Variants in IQCE observed in about 807,000 individuals in gnomAD.
IQCE encodes the protein IQ motif containing E.
IQCE carries 115 observed loss-of-function variants against 96.0 expected under a neutral mutation model. That is an observed-to-expected ratio of 1.20 (90% confidence interval 1.03 to 1.40). The LOEUF is 1.40. Ranked by LOEUF, IQCE falls within the 40% of genes most tolerant of loss-of-function variation. The pLI is 0.00. For missense variants in IQCE, 1,041 were observed against 909.1 expected, an observed-to-expected ratio of 1.15 and a Z score of -1.87; for synonymous variants, 412 against 371.2, an observed-to-expected ratio of 1.11 and a Z score of -1.26.
chr7:2,592,556 G>A (rs1008690401), intron 14 of IQCE, among the ~76,000 whole-genome samples: 19 of 152,310 alleles, frequency 1.2e-4, no homozygotes, highest in African/African-American at 4.1e-4. Flanking sequence ...AGTCTCCGTC[G>A]AAGGCCAGTG....
chr7:2,581,501 C>T lies in IQCE; in HGVS notation c.631-1079C>T, dbSNP rs1390485121. 3.3e-5 allele frequency among the ~76,000 whole-genome samples: 5 copies of T among 152,116 alleles called. No homozygotes were observed. The East Asian group carries it at 7.7e-4, about 24-fold the overall frequency. The stretch of plus-strand genomic sequence containing the variant: ...GATTATAGGCGTGAGCCACTGCACC[C>T]GGCCAACTAACATAATTTAAAATGA... On this transcript the variant is annotated intron_variant, in intron 8 of 21. Transcript: ENST00000402050.
At chr7:2,567,332 A>G (rs1781455061) in intron 2 of IQCE, among the ~76,000 whole-genome samples, 169 bp downstream of exon 2, 1 of 152,264 alleles carries the variant, frequency 6.6e-6, no homozygotes, top group African/African-American at 2.4e-5. Context: ...CTTAGGTTTA[A>G]ATACCTGTGG....
intron 1 of IQCE, among the ~76,000 whole-genome samples, chr7:2,563,781 T>C (rs1781151492): frequency 6.7e-6 from 1 of 149,804 alleles, no homozygotes; most frequent in African/African-American, 2.5e-5. Context: ...GTATTCCCAG[T>C]TACTTGGGAG....
At chr7:2,559,759 T>C (rs1780782886) in intron 1 of IQCE, among the ~76,000 whole-genome samples, 1 of 17,340 alleles carries the variant, frequency 5.8e-5, no homozygotes, top group African/African-American at 2.1e-4. Context: ...ATAAGCTGCA[T>C]TCCAGTGGGG....
chr7:2,595,612 C>G (rs1339513738), intron 16 of IQCE, among the ~76,000 whole-genome samples: 2 of 152,206 alleles, frequency 1.3e-5, no homozygotes, highest in Non-Finnish European at 2.9e-5. Context: ...AGGTCCCTGG[C>G]TCTCTGCTGC....
Position 2,605,874 on chromosome 7 carries a change from A to C in IQCE, c.1744-2A>C. On this transcript the variant is annotated splice_acceptor_variant, in intron 19 of 21. Coordinates refer to ENST00000402050, the MANE Select transcript of IQCE (RefSeq NM_152558.5). LOFTEE classifies it high-confidence loss of function. Reference sequence around the variant, plus strand: ...GTCTTCCCTGCTGTCCTTGCACCCCAGAGCTCTCCTGTGCCCCGCGTTCCG... The same window carrying C: ...GTCTTCCCTGCTGTCCTTGCACCCCCGAGCTCTCCTGTGCCCCGCGTTCCG... The C allele has an allele frequency of 1.3e-6, 2 of 1,593,190 alleles. No homozygotes were observed. The highest frequency in any genetic ancestry group is 8.5e-7 in the Non-Finnish European group (1 of 1,170,996).
chr7:2,563,366 A>C (rs1781108117), intron 1 of IQCE, among the ~76,000 whole-genome samples: 1 of 120,350 alleles, frequency 8.3e-6, no homozygotes, highest in African/African-American at 4.2e-5. Context: ...CCAGCTAATT[A>C]ATTTTTTGTT....
chr7:2,609,623 T>G (rs908789644), intron 21 of IQCE, among the ~76,000 whole-genome samples: 4 of 152,226 alleles, frequency 2.6e-5, no homozygotes, highest in African/African-American at 9.7e-5. Flanking sequence ...AGAGCTGAGT[T>G]TGAAGGTGAG....
rs557385584 is a variant in IQCE at position 2,609,151 on chromosome 7, C to T, written c.1970-893C>T. ...CCACCTCCATCCCGTCTGTAGGTGG[C>T]GTCCCATTCTAGAATGGATTAAAAG... On this transcript the variant is annotated intron_variant, in intron 21 of 21. Coordinates refer to ENST00000402050, the MANE Select transcript of IQCE (RefSeq NM_152558.5). Among the ~76,000 whole-genome samples, 216 of 152,196 alleles carry T rather than the reference C, an allele frequency of 1.4e-3. 1 individual carries two copies. The highest frequency in any genetic ancestry group is 4.9e-3 in the African/African-American group (204 of 41,530).
intron 15 of IQCE, 30 bp downstream of exon 15, chr7:2,593,156 A>T (rs1482389205): frequency 1.3e-6 from 2 of 1,590,948 alleles, no homozygotes; most frequent in Middle Eastern, 1.9e-4. Context: ...GCTGGAGAGG[A>T]CCCAGGCGAG....
Position 2,611,031 on chromosome 7 carries a change from G to C in IQCE, c.*869G>C, listed in dbSNP as rs376197802. 1 of 152,476 alleles carries C rather than the reference G, an allele frequency of 6.6e-6. No individual in the cohort carries two copies. The highest frequency in any genetic ancestry group is 1.9e-4 in the East Asian group (1 of 5,178). 9.4% of individuals were successfully genotyped at this position (152,476 alleles called of 1,614,324 possible). A position where few individuals can be genotyped will look rare whatever the true frequency, so the allele number is the denominator to read the frequency against. Reference sequence around the variant, plus strand: ...CCGTTCCAAGGGACAGCATAGGCTCGTGGTGGGGCGTGTTGCATCTGGTGT... The same window carrying C: ...CCGTTCCAAGGGACAGCATAGGCTCCTGGTGGGGCGTGTTGCATCTGGTGT... On this transcript the variant is annotated 3_prime_UTR_variant, in exon 22 of 22. Coordinates refer to ENST00000402050, the MANE Select transcript of IQCE (RefSeq NM_152558.5).
At chr7:2,605,808 G>A (rs764867176) in intron 19 of IQCE, 68 bp from the exon 20 acceptor site, 24 of 1,415,450 alleles carry the variant, frequency 1.7e-5, no homozygotes, top group Non-Finnish European at 2.1e-5. Flanking sequence ...GGTGCCCTGG[G>A]GGTTGAGTGC....
chr7:2,562,729 TTC>T (rs930865059), intron 1 of IQCE, among the ~76,000 whole-genome samples: 2 of 152,076 alleles, frequency 1.3e-5, no homozygotes, highest in African/African-American at 4.8e-5. Flanking sequence ...TGTTTCTATT[TTC>T]TATTTCATTT....
At chr7:2,588,504 C>T (rs1783310735) in intron 13 of IQCE, among the ~76,000 whole-genome samples, 1 of 151,626 alleles carries the variant, frequency 6.6e-6, no homozygotes, top group Non-Finnish European at 1.5e-5. Context: ...CAGGTGCCCA[C>T]CACCACACCC....
chr7:2,587,180 CAG>C (rs1444753056), intron 12 of IQCE, among the ~76,000 whole-genome samples: 2 of 151,972 alleles, frequency 1.3e-5, no homozygotes, highest in Non-Finnish European at 1.5e-5. Flanking sequence ...CTGAAAAAGA[CAG>C]AGTTGCTATT....
At chr7:2,577,467 CTGTGTGCGGCGTATACGCATTG>C (rs1782237295) in intron 6 of IQCE, among the ~76,000 whole-genome samples, 1 of 68,190 alleles carries the variant, frequency 1.5e-5, no homozygotes, top group African/African-American at 6.6e-5. Context: ...CGCGCGGGGA[CTGTGTGCGGCGTATACGCATTG>C]GCGTGTGCGT....
chr7:2,604,966 C>T lies in IQCE; in HGVS notation c.1718C>T (p.Pro573Leu), dbSNP rs1784688037. 3.7e-6 allele frequency: 6 copies of T among 1,613,244 alleles called. No individual in the cohort carries two copies. The African/African-American group carries it at 6.7e-5, about 18-fold the overall frequency. Reference sequence around the variant, plus strand: ...AGCAAAGCACATGGCTCAGAGCCACCCAGCGTGCCAGGCCTCCCAGACCAG... The same window carrying T: ...AGCAAAGCACATGGCTCAGAGCCACTCAGCGTGCCAGGCCTCCCAGACCAG... ...LASKAHGSEP[P>L]SVPGLPDQSS... The change falls in exon 19 of 22, where the codon CCC becomes CTC. Residue 573 changes from proline (P) to leucine (L), a missense_variant. Physicochemically the swap from Pro to Leu is moderately conservative, Grantham distance 98. Transcript: ENST00000402050.
intron 1 of IQCE, chr7:2,566,471 T>C (rs919859198): frequency 2.0e-5 from 3 of 148,754 alleles, no homozygotes; most frequent in African/African-American, 7.4e-5. Context: ...TTTTTTTTTT[T>C]TTTTCCCAGC....
In IQCE at chr7:2,568,987, C is replaced by T; in HGVS notation, c.118C>T (p.Pro40Ser). The change falls in exon 3 of 22, where the codon CCC becomes TCC. Residue 40 changes from proline to serine, a missense_variant. Physicochemically the swap from Pro to Ser is moderately conservative, Grantham distance 74. Transcript: ENST00000402050. ...AAGGAAAGCTTTCCACAAACCTCCA[C>T]CCACATCGCCAAGTAAGTATGACGA... ...AKRKAFHKPPPTSPKSPYLSK... is the reference protein window; with the variant it reads ...AKRKAFHKPPSTSPKSPYLSK... The T allele has an allele frequency of 6.2e-7, 1 of 1,613,966 alleles. No individual in the cohort carries two copies. The highest frequency in any genetic ancestry group is 1.1e-5 in the South Asian group (1 of 91,088).
Sources: allele counts gnomAD v4.1 joint callset (sites outside exome capture counted in the v4.1 genomes callset), GRCh38; gene constraint gnomAD v4.1.1; transcripts MANE v1.5; gene names NCBI Gene and HGNC (gene_info 2026-07-23, HGNC 2026-07-21).